Variants in SMIM23 observed in about 807,000 individuals in gnomAD.
SMIM23 encodes CTB-78H18.1.
In SMIM23, 10 loss-of-function variants were observed where a neutral mutation model predicts 12.8. The observed-to-expected ratio is 0.78, with a 90% CI of 0.48 to 1.32. The LOEUF (loss-of-function observed/expected upper bound fraction) is 1.32. Ranked by LOEUF, SMIM23 falls within the 40% of genes most tolerant of loss-of-function variation. The pLI is 0.00. For missense variants in SMIM23, 184 were observed against 198.2 expected, an observed-to-expected ratio of 0.93 and a Z score of 0.43; for synonymous variants, 78 against 80.1, an observed-to-expected ratio of 0.97 and a Z score of 0.14.
chr5:171,788,332 A>G (rs1259713110), intron 1 of SMIM23, among the ~76,000 whole-genome samples: 1 of 152,134 alleles, frequency 6.6e-6, no homozygotes, highest in African/African-American at 2.4e-5. Flanking sequence ...TGTAAAGCAG[A>G]CAAACAATAA....
At chr5:171,778,286 G>A (rs1755671674), upstream of SMIM23, among the ~76,000 whole-genome samples, 1 of 151,944 alleles carries the variant, frequency 6.6e-6, no homozygotes, top group Non-Finnish European at 1.5e-5. Context: ...GAACCCGGGA[G>A]GCAGAGGTTG....
chr5:171,787,265 G>A (rs896214266), intron 1 of SMIM23, among the ~76,000 whole-genome samples: 13 of 151,896 alleles, frequency 8.6e-5, no homozygotes, highest in South Asian at 2.1e-4. Context: ...TGATCCACCC[G>A]CCTCCGCCTC....
chr5:171,777,056 T>G, the SMIM23 span, among the ~76,000 whole-genome samples: 2 of 135,886 alleles, frequency 1.5e-5, no homozygotes, highest in Admixed American at 7.2e-5. Context: ...TTCCCCCTCC[T>G]TTTTTTTTTT....
At chr5:171,777,226 G>A in the SMIM23 span, among the ~76,000 whole-genome samples, 1 of 152,208 alleles carries the variant, frequency 6.6e-6, no homozygotes, top group Admixed American at 6.5e-5. Flanking sequence ...CCAACAGGAG[G>A]TGCCTAGAAC....
At chr5:171,776,277 G>A in the SMIM23 span, among the ~76,000 whole-genome samples, 1 of 150,030 alleles carries the variant, frequency 6.7e-6, no homozygotes, top group Non-Finnish European at 1.5e-5. Context: ...GGGGGTTGGG[G>A]TGGGGTGAGA....
upstream of SMIM23, among the ~76,000 whole-genome samples, chr5:171,784,566 C>T (rs776166740): frequency 2.0e-5 from 3 of 152,008 alleles, no homozygotes; most frequent in African/African-American, 7.2e-5. Context: ...AACCAAATCA[C>T]TCATACACTG....
chr5:171,780,797 G>A (rs697041), upstream of SMIM23, among the ~76,000 whole-genome samples: 2 of 152,058 alleles, frequency 1.3e-5, no homozygotes, highest in African/African-American at 4.8e-5. Flanking sequence ...TCCTTGGACT[G>A]TCTTGGGTTG....
chr5:171,784,682 A>G (rs1183568323), upstream of SMIM23, among the ~76,000 whole-genome samples: 1 of 152,212 alleles, frequency 6.6e-6, no homozygotes, highest in Non-Finnish European at 1.5e-5. Flanking sequence ...ACTCTCAGGC[A>G]TTTATCCCAG....
upstream of SMIM23, chr5:171,785,765 A>T: frequency 1.2e-6 from 1 of 862,078 alleles, no homozygotes; most frequent in Non-Finnish European, 1.9e-6. Context: ...CTTCTGTGAC[A>T]TCAGAACTCA....
At chr5:171,789,059 C>T (rs60218700) in intron 1 of SMIM23, among the ~76,000 whole-genome samples, 3 of 152,356 alleles carry the variant, frequency 2.0e-5, no homozygotes, top group East Asian at 1.9e-4. Context: ...AGGCTGGTTT[C>T]GAACTCTTGA....
chr5:171,777,940 A>G (rs1260636022), upstream of SMIM23, among the ~76,000 whole-genome samples: 1 of 152,202 alleles, frequency 6.6e-6, no homozygotes, highest in African/African-American at 2.4e-5. Context: ...GAGCATCCCA[A>G]AGACACAGTA....
the SMIM23 span, among the ~76,000 whole-genome samples, chr5:171,777,171 T>G: frequency 1.3e-5 from 2 of 152,286 alleles, no homozygotes; most frequent in African/African-American, 4.8e-5. Context: ...TAATAAGAGT[T>G]GTGTCTGGTC....
At chr5:171,784,648 A>G (rs1344723892), upstream of SMIM23, among the ~76,000 whole-genome samples, 1 of 152,226 alleles carries the variant, frequency 6.6e-6, no homozygotes, top group Non-Finnish European at 1.5e-5. Context: ...CTATCATGCC[A>G]TGATGCTATG....
At chr5:171,775,773 G>A in the SMIM23 span, among the ~76,000 whole-genome samples, 1 of 152,214 alleles carries the variant, frequency 6.6e-6, no homozygotes. Flanking sequence ...AAATGAATGT[G>A]CAAGAAAAGG....
At chr5:171,787,168 C>T (rs1474752389) in intron 1 of SMIM23, among the ~76,000 whole-genome samples, 7 of 151,748 alleles carry the variant, frequency 4.6e-5, no homozygotes, top group Non-Finnish European at 7.4e-5. Context: ...TACAGGCGCC[C>T]GCCACCACAC....
intron 1 of SMIM23, among the ~76,000 whole-genome samples, chr5:171,789,494 A>G (rs757033982): frequency 3.9e-5 from 6 of 152,238 alleles, no homozygotes; most frequent in Non-Finnish European, 8.8e-5. Flanking sequence ...ACTTTTATTC[A>G]TAATAGCCCC....
At chr5:171,786,049 T>A in intron 1 of SMIM23, 73 bp downstream of exon 1, 10 of 1,218,694 alleles carry the variant, frequency 8.2e-6, no homozygotes, top group Non-Finnish European at 1.2e-5. Context: ...AGACTAGAAG[T>A]CCCTCAAAGC....
At chr5:171,775,404 G>C in the SMIM23 span, among the ~76,000 whole-genome samples, 1 of 152,064 alleles carries the variant, frequency 6.6e-6, no homozygotes, top group African/African-American at 2.4e-5. Flanking sequence ...CCCCTCTGAG[G>C]GTAACTCTAC....
chr5:171,790,667 G>T (rs1561592444), intron 3 of SMIM23, 118 bp downstream of exon 3: 1 of 1,375,050 alleles, frequency 7.3e-7, no homozygotes, highest in South Asian at 1.3e-5. Context: ...CAGAAGGTGG[G>T]AACAGGTACT....
Sources: allele counts gnomAD v4.1 joint callset (sites outside exome capture counted in the v4.1 genomes callset), GRCh38; gene constraint gnomAD v4.1.1; transcripts MANE v1.5; gene names NCBI Gene and HGNC (gene_info 2026-07-23, HGNC 2026-07-21).